The following PPP1R12C variants were observed in gnomAD, a reference collection of about 807,000 sequenced individuals.
PPP1R12C encodes leukocyte receptor cluster (LRC) encoded novel gene 3.
A neutral mutation model predicts 95.6 loss-of-function variants in PPP1R12C; 48 were observed. The ratio of observed to expected loss-of-function variants is 0.50; its 90% CI spans 0.40 to 0.64. The LOEUF (loss-of-function observed/expected upper bound fraction) is 0.64. Ranked by LOEUF, PPP1R12C falls within the 30% of genes least tolerant of loss-of-function variation. The pLI, the probability that PPP1R12C is intolerant of heterozygous loss-of-function variation, is 0.00. For missense variants in PPP1R12C, 1,057 were observed against 1,083.3 expected, an observed-to-expected ratio of 0.98 and a Z score of 0.34; for synonymous variants, 480 against 460.8, an observed-to-expected ratio of 1.04 and a Z score of -0.53.
At chr19:55,100,306 C>T (rs777224636) in intron 4 of PPP1R12C, among the ~76,000 whole-genome samples, 2 of 152,242 alleles carry the variant, frequency 1.3e-5, no homozygotes, top group African/African-American at 2.4e-5. Context: ...CATTTGGCCA[C>T]GTCCAGAGAC....
At position 55,112,631 on chromosome 19, in the gene PPP1R12C, C is replaced by T. The variant is rs368043876; in HGVS notation, c.452+34G>A. 2.1e-5 allele frequency: 34 copies of T among 1,612,294 alleles called. 1 individual carries two copies. The highest frequency in any genetic ancestry group is 4.0e-5 in the African/African-American group (3 of 74,848). On this transcript the variant is annotated intron_variant, in intron 2 of 21. Transcript: ENST00000263433. Reference sequence around the variant, plus strand: ...GGGCTGAGGGTCCAGGCCCCCACCCCGACCAGGTCCTGCCCGGCCCTCCCT... The same window carrying T: ...GGGCTGAGGGTCCAGGCCCCCACCCTGACCAGGTCCTGCCCGGCCCTCCCT...
chr19:55,117,611 C>A lies in PPP1R12C; in HGVS notation c.-68G>T. 1 of 936,516 alleles carries A rather than the reference C, an allele frequency of 1.1e-6. No individual in the cohort carries two copies. The highest frequency in any genetic ancestry group is 1.8e-5 in the African/African-American group (1 of 55,240). The allele number at this position is 936,516 out of a possible 1,614,324, so 58.0% of individuals were successfully genotyped here. Reference sequence around the variant, plus strand: ...CAACCGCCGCCACCACCCGCCCGCCCGCCCGCCCCGGGGGCCGCCGGGAAC... The same window carrying A: ...CAACCGCCGCCACCACCCGCCCGCCAGCCCGCCCCGGGGGCCGCCGGGAAC... On this transcript the variant is annotated 5_prime_UTR_variant, in exon 1 of 22. Transcript: ENST00000263433.
At position 55,103,444 on chromosome 19, in the gene PPP1R12C, G is replaced by A. The variant is rs34297590; in HGVS notation, c.696C>T (p.His232=). The part of the protein sequence containing the change: ...RHPRTGASAL[H]VAAAKGYIEV... ...CAATGTAGCCCTTGGCAGCAGCCAC[G>A]TGCAGGGCAGAGGCGCCTGTGCGGG... Residue 232 remains histidine, a synonymous_variant, in exon 4 of 22, where the codon CAC becomes CAT. Coordinates refer to ENST00000263433, the MANE Select transcript of PPP1R12C (RefSeq NM_017607.4). 1.5e-3 allele frequency: 2,304 copies of A among 1,567,142 alleles called. 6 individuals are homozygous for A. Among genetic ancestry groups the A allele is most frequent in the Non-Finnish European group, 1.8e-3 (2,070 of 1,148,194 alleles).
rs372358205 is a variant in PPP1R12C, at chr19:55,103,872, C to T, written c.572-304G>A. 2.4e-4 allele frequency among the ~76,000 whole-genome samples: 36 copies of T among 151,674 alleles called. 1 individual carries two copies. The highest frequency in any genetic ancestry group is 8.2e-4 in the African/African-American group (34 of 41,328). On this transcript the variant is annotated intron_variant, in intron 3 of 21. Transcript: ENST00000263433. ...ATTATTTTTAATATAAAACCATGGC[C>T]GGGTGCAGTGGCTCATGCCTGCAAT...
chr19:55,092,443 G>A lies in PPP1R12C; in HGVS notation c.2054C>T (p.Thr685Met), dbSNP rs1308029935. Residue 685 changes from threonine to methionine, a missense_variant and splice_region_variant, in exon 18 of 22, where the codon ACG becomes ATG. Around this residue, in one of 5 missense-constraint regions of PPP1R12C, gnomAD observed 347 missense variants for 307.9 expected, o/e 1.13. Coordinates refer to ENST00000263433, the MANE Select transcript of PPP1R12C (RefSeq NM_017607.4). ...ESEEPDGGFR[T>M]LYAELRRENE... ...CCCGACGGAGGGGTGGGATCGCACC[G>A]TCCTAAAGCCTCCGTCTGGCTCTTC... 3 of 1,606,718 alleles carry A rather than the reference G, an allele frequency of 1.9e-6. No individual in the cohort carries two copies. The highest frequency in any genetic ancestry group is 1.7e-5 in the Admixed American group (1 of 59,186).
rs1197738562 is a variant in PPP1R12C, at chr19:55,096,244, ACTC to A, written c.1025+15_1025+17del. 1.2e-6 allele frequency: 2 copies of A among 1,612,630 alleles called. No individual in the cohort carries two copies. The highest frequency in any genetic ancestry group is 3.3e-5 in the Admixed American group (2 of 59,926). On this transcript the variant is annotated intron_variant, in intron 7 of 21. Transcript: ENST00000263433. ...CCTCCAGCCACCCCGCCAGCCCTGG[ACTC>A]CTCCCTCCCTATACCTTCTGTGTTT... is the stretch of plus-strand genomic sequence containing the variant.
At position 55,091,114 on chromosome 19, in the gene PPP1R12C, G is replaced by A. The variant is rs900608142; in HGVS notation, c.*358C>T. The A allele has an allele frequency of 3.1e-5, 10 of 327,780 alleles. No homozygotes were observed. The highest frequency in any genetic ancestry group is 9.3e-5 in the Admixed American group (2 of 21,540). 20.3% of individuals were successfully genotyped at this position (327,780 alleles called of 1,614,324 possible). A position where few individuals can be genotyped will look rare whatever the true frequency, so the allele number is the denominator to read the frequency against. Reference sequence around the variant, plus strand: ...GGCACATTCTTGGATCCCTGCTCAGGAGGGGAGGGGTGACGGGGTGGCATC... The same window carrying A: ...GGCACATTCTTGGATCCCTGCTCAGAAGGGGAGGGGTGACGGGGTGGCATC... On this transcript the variant is annotated 3_prime_UTR_variant, in exon 22 of 22. Coordinates refer to ENST00000263433, the MANE Select transcript of PPP1R12C (RefSeq NM_017607.4).
intron 3 of PPP1R12C, among the ~76,000 whole-genome samples, chr19:55,104,199 T>TATATATATATATATATATATACACAC (rs34075382): frequency 8.3e-6 from 1 of 120,050 alleles, no homozygotes; most frequent in African/African-American, 3.7e-5. Flanking sequence ...TATATATATA[T>TATATATATATATATATATATACACAC]ACACACACAC....
At position 55,103,427 on chromosome 19, in the gene PPP1R12C, C is replaced by A; in HGVS notation, c.713G>T (p.Gly238Val). ...ASALHVAAAK[G>V]YIEVMRLLLQ... ...AACTCACCTCATCACCTCAATGTAG[C>A]CCTTGGCAGCAGCCACGTGCAGGGC... Residue 238 changes from glycine to valine, a missense_variant, in exon 4 of 22, where the codon GGC becomes GTC. This residue lies in a region of PPP1R12C where 282 missense variants were observed against 380.4 expected (regional missense o/e 0.74). Transcript: ENST00000263433. The A allele has an allele frequency of 6.5e-7, 1 of 1,543,842 alleles. No individual in the cohort carries two copies. Among genetic ancestry groups the A allele is most frequent in the Non-Finnish European group, 8.8e-7 (1 of 1,133,616 alleles).
intron 9 of PPP1R12C, 97 bp downstream of exon 9, chr19:55,095,770 T>C: frequency 6.5e-7 from 1 of 1,532,710 alleles, no homozygotes; most frequent in Non-Finnish European, 9.0e-7. Flanking sequence ...AACTATAGTC[T>C]TCCCCCTATC....
rs191653168 is a variant in PPP1R12C at position 55,094,783 on chromosome 19, C to T, written c.1470G>A (p.Lys490=). ...AGGAGTTCTCCAAGCAAGGAGGAGG[C>T]TTGGTGACCTCAGACCTGCATCAAT... The part of the protein sequence containing the change: ...PEPSVLSEVT[K]PPPCLENSSP... The change falls in exon 12 of 22, where the codon AAG becomes AAA. Residue 490 remains lysine, a synonymous_variant. Coordinates refer to ENST00000263433, the MANE Select transcript of PPP1R12C (RefSeq NM_017607.4). The T allele has an allele frequency of 6.9e-6, 11 of 1,598,854 alleles. No individual in the cohort carries two copies. In the Admixed American group the frequency reaches 1.8e-4, roughly 26 times the overall value.
At chr19:55,096,507 G>A (rs1422165824) in intron 6 of PPP1R12C, among the ~76,000 whole-genome samples, 172 bp from the exon 7 acceptor site, 7 of 152,048 alleles carry the variant, frequency 4.6e-5, no homozygotes, top group Non-Finnish European at 8.8e-5. Flanking sequence ...GGTGCCCTGC[G>A]TCCAGCAGGC....
Position 55,100,757 on chromosome 19 carries a change from C to T in PPP1R12C, c.732-1662G>A, listed in dbSNP as rs570415457. On this transcript the variant is annotated intron_variant, in intron 4 of 21. Coordinates refer to ENST00000263433, the MANE Select transcript of PPP1R12C (RefSeq NM_017607.4). ...CCTTCCAGGTAGCTGGGATTACAGG[C>T]GCCTGCCACCATGCCCAGCTAATTT... Among the ~76,000 whole-genome samples the T allele has an allele frequency of 1.5e-4, 23 of 152,204 alleles. 1 individual carries two copies. The South Asian group carries it at 3.3e-3, about 22-fold the overall frequency.
chr19:55,099,500 T>G (rs2084958626), intron 4 of PPP1R12C, among the ~76,000 whole-genome samples: 1 of 152,214 alleles, frequency 6.6e-6, no homozygotes, highest in Non-Finnish European at 1.5e-5. Context: ...AGGGCAGTAG[T>G]GCTCTAGGAC....
At chr19:55,096,356 T>TG in intron 6 of PPP1R12C, 21 bp from the exon 7 acceptor site, 1 of 1,612,192 alleles carries the variant, frequency 6.2e-7, no homozygotes. Context: ...GGAAGGGGGC[T>TG]GCAGGGGAGG....
At position 55,117,356 on chromosome 19, in the gene PPP1R12C, T is replaced by C; in HGVS notation, c.188A>G (p.Asp63Gly). The change falls in exon 1 of 22, where the codon GAC becomes GGC. Residue 63 changes from aspartate (D) to glycine (G), a missense_variant. Asp to Gly is a moderately conservative substitution (Grantham distance 94, BLOSUM62 -1). This residue lies in a region of PPP1R12C where 282 missense variants were observed against 380.4 expected (regional missense o/e 0.74). Coordinates refer to ENST00000263433, the MANE Select transcript of PPP1R12C (RefSeq NM_017607.4). Reference protein sequence around the residue: ...AEFLAACAGGDLDEARLMLRA... With the variant: ...AEFLAACAGGGLDEARLMLRA... The stretch of plus-strand genomic sequence containing the variant: ...CAGCATCAGACGCGCCTCGTCCAGG[T>C]CGCCGCCCGCACAGGCCGCCAGGAA... 1 of 1,127,556 alleles carries C rather than the reference T, an allele frequency of 8.9e-7. No homozygotes were observed. Among genetic ancestry groups the C allele is most frequent in the Non-Finnish European group, 1.1e-6 (1 of 922,734 alleles). 69.8% of individuals were successfully genotyped at this position (1,127,556 alleles called of 1,614,324 possible).
intron 1 of PPP1R12C, among the ~76,000 whole-genome samples, chr19:55,116,823 G>C (rs2085159168): frequency 6.6e-6 from 1 of 152,194 alleles, no homozygotes; most frequent in Admixed American, 6.5e-5. Context: ...ACAAAGTCCA[G>C]GACCGGCTGG....
At chr19:55,107,226 C>T (rs931260886) in intron 3 of PPP1R12C, among the ~76,000 whole-genome samples, 9 of 152,096 alleles carry the variant, frequency 5.9e-5, no homozygotes, top group African/African-American at 2.2e-4. Context: ...CCAACCTGGC[C>T]AACATGGTGA....
chr19:55,098,698 C>CG lies in PPP1R12C; in HGVS notation c.951+85dup, dbSNP rs55805974. On this transcript the variant is annotated intron_variant, in intron 6 of 21. Transcript: ENST00000263433. ...CGCTGGGGTGGTGGGTGTCAGAAGT[C>CG]GGGGGGGTTCCCCCTCTGCACCCTC... 2.0e-5 allele frequency: 31 copies of CG among 1,523,126 alleles called. No individual in the cohort carries two copies. The Admixed American group carries it at 3.5e-4, about 17-fold the overall frequency. The allele number at this position is 1,523,126 out of a possible 1,614,324, so 94.4% of individuals were successfully genotyped here.
Sources: gnomAD v4.1 joint callset for allele counts (sites outside exome capture counted in the v4.1 genomes callset) on GRCh38, gnomAD v4.1.1 for gene constraint, gnomAD v4.1.1 regional missense constraint, MANE v1.5 for transcripts, NCBI Gene and HGNC (gene_info 2026-07-23, HGNC 2026-07-21) for gene names.